CDH7: variants seen among roughly 807,000 people sequenced by gnomAD.
CDH7 encodes cadherin-7.
In CDH7, 25 loss-of-function variants were observed where a neutral mutation model predicts 71.8. That is an observed-to-expected ratio of 0.35 (90% CI 0.25 to 0.49). CDH7 has a LOEUF of 0.49. Among genes scored for constraint, CDH7 ranks in the 20% least tolerant of loss-of-function variants. The pLI is 0.99. For synonymous variants in CDH7, 381 were observed against 363.8 expected (o/e 1.05, Z -0.54); for missense variants, 862 against 974.6 (o/e 0.88, Z 1.54).
chr18:65,766,417 A>G (rs76682039), intron 2 of CDH7, among the ~76,000 whole-genome samples: 4,835 of 152,212 alleles, frequency 0.032, 232 homozygotes, highest in East Asian at 0.26. Flanking sequence ...ATGATAACCA[A>G]AGACCAAAGT....
chr18:65,882,863 T>C lies in CDH7; in HGVS notation c.*1969T>C, dbSNP rs534576655. The C allele has an allele frequency of 6.6e-6, 1 of 152,258 alleles. No homozygotes were observed. Among genetic ancestry groups the C allele is most frequent in the Non-Finnish European group, 1.5e-5 (1 of 67,972 alleles). 9.4% of individuals were successfully genotyped at this position (152,258 alleles called of 1,614,324 possible). A position where few individuals can be genotyped will look rare whatever the true frequency, so the allele number is the denominator to read the frequency against. Reference sequence around the variant, plus strand: ...TAAAATCAGAGTGTGGTGCAGGAATTACAGAGTTGTTAAGTCAGCAAGGTG... The same window carrying C: ...TAAAATCAGAGTGTGGTGCAGGAATCACAGAGTTGTTAAGTCAGCAAGGTG... On this transcript the variant is annotated 3_prime_UTR_variant, in exon 12 of 12. Coordinates refer to ENST00000397968, the MANE Select transcript of CDH7 (RefSeq NM_004361.5).
At chr18:65,756,615 G>A (rs1332021582) in intron 1 of CDH7, among the ~76,000 whole-genome samples, 1 of 152,230 alleles carries the variant, frequency 6.6e-6, no homozygotes, top group Non-Finnish European at 1.5e-5. Flanking sequence ...CCAGACAGCA[G>A]AGAGCATGAG....
chr18:65,839,053 G>A (rs1172972577), intron 6 of CDH7, among the ~76,000 whole-genome samples: 2 of 152,126 alleles, frequency 1.3e-5, no homozygotes, highest in Non-Finnish European at 2.9e-5. Context: ...GGTTGATGAG[G>A]TCAGCAAGGG....
At chr18:65,806,214 C>G (rs959359067) in intron 2 of CDH7, among the ~76,000 whole-genome samples, 2 of 151,844 alleles carry the variant, frequency 1.3e-5, no homozygotes, top group African/African-American at 4.8e-5. Flanking sequence ...TGCACCTCCT[C>G]CTCAGCTTAT....
chr18:65,889,311 C>G lies in CDH7; in HGVS notation c.*8417C>G, dbSNP rs982968016. The G allele has an allele frequency of 1.3e-5, 2 of 152,144 alleles. No homozygotes were observed. The highest frequency in any genetic ancestry group is 2.9e-5 in the Non-Finnish European group (2 of 68,032). 9.4% of individuals were successfully genotyped at this position (152,144 alleles called of 1,614,324 possible). On this transcript the variant is annotated 3_prime_UTR_variant, in exon 12 of 12. Transcript: ENST00000397968. ...AAAAGCTAAATCTTATGAAGCTAAA[C>G]TGTCAACAAACAGTTCCACTGAAGT...
chr18:65,777,342 A>G (rs914675213), intron 2 of CDH7, among the ~76,000 whole-genome samples: 13 of 152,050 alleles, frequency 8.5e-5, no homozygotes, highest in Admixed American at 4.6e-4. Context: ...TCTACATTTG[A>G]GTATGCAAAT....
chr18:65,773,326 A>G (rs146550174), intron 2 of CDH7, among the ~76,000 whole-genome samples: 27 of 152,288 alleles, frequency 1.8e-4, no homozygotes, highest in African/African-American at 5.8e-4. Context: ...TATGAATATC[A>G]CATATTTTCA....
At chr18:65,778,529 C>CTTTTTTTTTTTTTTTTTTTTTTTTT (rs1156727313) in intron 2 of CDH7, among the ~76,000 whole-genome samples, 6 of 84,316 alleles carry the variant, frequency 7.1e-5, no homozygotes, top group Non-Finnish European at 9.5e-5. Context: ...GCGTCTCACT[C>CTTTTTTTTTTTTTTTTTTTTTTTTT]TTTTTTTTTT....
intron 6 of CDH7, among the ~76,000 whole-genome samples, chr18:65,836,100 AT>A (rs1912524070): frequency 6.6e-6 from 1 of 152,198 alleles, no homozygotes; most frequent in Non-Finnish European, 1.5e-5. Context: ...CACTGGAACA[AT>A]TCTTCCCCGA....
At chr18:65,859,162 C>G in intron 9 of CDH7, 116 bp downstream of exon 9, 1 of 917,622 alleles carries the variant, frequency 1.1e-6, no homozygotes, top group Non-Finnish European at 1.7e-6. Context: ...CTTGTTTCAG[C>G]AAAACTAACA....
At chr18:65,880,018 T>C (rs937671407) in intron 11 of CDH7, among the ~76,000 whole-genome samples, 1 of 152,224 alleles carries the variant, frequency 6.6e-6, no homozygotes, top group Non-Finnish European at 1.5e-5. Flanking sequence ...AAAACATTTA[T>C]GAATTTCAAT....
chr18:65,850,078 C>T (rs1008363496), intron 7 of CDH7, among the ~76,000 whole-genome samples: 3 of 151,214 alleles, frequency 2.0e-5, no homozygotes, highest in African/African-American at 7.3e-5. Context: ...GCTGAAGAAT[C>T]TCTTGAACCC....
At chr18:65,808,145 A>G (rs1911392398) in intron 2 of CDH7, among the ~76,000 whole-genome samples, 1 of 152,212 alleles carries the variant, frequency 6.6e-6, no homozygotes, top group Admixed American at 6.5e-5. Context: ...TTACTATGTA[A>G]ATAATGTTCT....
At chr18:65,874,149 T>C (rs1914004473) in intron 11 of CDH7, among the ~76,000 whole-genome samples, 1 of 152,206 alleles carries the variant, frequency 6.6e-6, no homozygotes, top group Admixed American at 6.5e-5. Flanking sequence ...TTAAAAATAT[T>C]ATTGAATTAA....
chr18:65,853,928 T>TCC (rs1490891689), intron 7 of CDH7, among the ~76,000 whole-genome samples: 9 of 98,100 alleles, frequency 9.2e-5, no homozygotes, highest in African/African-American at 3.5e-4. Flanking sequence ...TATATATATA[T>TCC]ATATATATAT....
At chr18:65,823,066 A>C (rs1039843788) in intron 5 of CDH7, among the ~76,000 whole-genome samples, 9 of 151,882 alleles carry the variant, frequency 5.9e-5, no homozygotes, top group Non-Finnish European at 1.2e-4. Context: ...TGGGGAACTA[A>C]ACTCCCTACC....
chr18:65,777,443 A>T (rs971451905), intron 2 of CDH7, among the ~76,000 whole-genome samples: 4 of 152,042 alleles, frequency 2.6e-5, no homozygotes, highest in African/African-American at 9.7e-5. Context: ...CCGCAGTGGG[A>T]CTAGCCTACA....
At chr18:65,841,376 T>G (rs901794562) in intron 6 of CDH7, among the ~76,000 whole-genome samples, 2 of 152,300 alleles carry the variant, frequency 1.3e-5, no homozygotes, top group South Asian at 4.1e-4. Flanking sequence ...CAGAAATACT[T>G]GGTATGCCTT....
chr18:65,780,854 C>T (rs1374936230), intron 2 of CDH7, among the ~76,000 whole-genome samples: 1 of 150,752 alleles, frequency 6.6e-6, no homozygotes, highest in Non-Finnish European at 1.5e-5. Flanking sequence ...TTGCCCACTG[C>T]AGAGATAGAA....
Sources: allele counts gnomAD v4.1 joint callset (sites outside exome capture counted in the v4.1 genomes callset), GRCh38; gene constraint gnomAD v4.1.1; transcripts MANE v1.5; gene names NCBI Gene and HGNC (gene_info 2026-07-23, HGNC 2026-07-21).